Variants in WWC2 observed in about 807,000 individuals in gnomAD.
WWC2 encodes protein WWC2.
In WWC2, 101 loss-of-function variants were observed where a neutral mutation model predicts 138.5. The ratio of observed to expected loss-of-function variants is 0.73; its 90% CI spans 0.62 to 0.86. The LOEUF is 0.86. Among genes scored for constraint, WWC2 ranks in the 40% least tolerant of loss-of-function variants. The pLI, the probability that WWC2 is intolerant of heterozygous loss-of-function variation, is 0.00. For missense variants in WWC2, 1,420 were observed against 1,419.4 expected (o/e 1.00, Z -0.01); for synonymous variants, 558 against 538.4 (o/e 1.04, Z -0.50).
intron 21 of WWC2, among the ~76,000 whole-genome samples, chr4:183,303,991 A>G (rs1738946883): frequency 6.6e-6 from 1 of 152,128 alleles, no homozygotes; most frequent in African/African-American, 2.4e-5. Flanking sequence ...AGGGTTTGTT[A>G]GATAATTAAG....
chr4:183,151,943 T>A (rs776313873), intron 1 of WWC2, among the ~76,000 whole-genome samples: 2 of 149,934 alleles, frequency 1.3e-5, no homozygotes, highest in African/African-American at 4.9e-5. Context: ...CTAAACAATT[T>A]AAAAAATTAC....
chr4:183,313,388 G>C (rs904119464), intron 22 of WWC2, among the ~76,000 whole-genome samples: 1 of 152,074 alleles, frequency 6.6e-6, no homozygotes, highest in African/African-American at 2.4e-5. Flanking sequence ...GGGGAGAAGC[G>C]GGTAAGGGTG....
At chr4:183,286,831 C>T (rs1006794359) in intron 20 of WWC2, among the ~76,000 whole-genome samples, 3 of 152,134 alleles carry the variant, frequency 2.0e-5, no homozygotes, top group East Asian at 1.9e-4. Context: ...ACAACTGTGC[C>T]GGGTATGACA....
chr4:183,269,239 TTTTGC>T, intron 15 of WWC2, 76 bp downstream of exon 15: 1 of 1,445,570 alleles, frequency 6.9e-7, no homozygotes, highest in Non-Finnish European at 9.4e-7. Flanking sequence ...GTAGTTGCTA[TTTTGC>T]CAGCCCTAGA....
At chr4:183,192,824 A>G (rs190090056) in intron 1 of WWC2, among the ~76,000 whole-genome samples, 29 of 152,310 alleles carry the variant, frequency 1.9e-4, no homozygotes, top group African/African-American at 6.3e-4. Context: ...TAGCCAAGGA[A>G]AATCTCAAAA....
At chr4:183,169,058 G>C (rs559836480) in intron 1 of WWC2, among the ~76,000 whole-genome samples, 1 of 152,050 alleles carries the variant, frequency 6.6e-6, no homozygotes, top group South Asian at 2.1e-4. Context: ...ATGTTGGTCA[G>C]GCTGGTCTTG....
chr4:183,129,289 AT>A (rs1442135953), intron 1 of WWC2, among the ~76,000 whole-genome samples: 1 of 152,146 alleles, frequency 6.6e-6, no homozygotes, highest in Non-Finnish European at 1.5e-5. Context: ...GGGGAGGGGT[AT>A]CTCTTATGAC....
intron 1 of WWC2, among the ~76,000 whole-genome samples, chr4:183,149,977 C>G (rs1170799880): frequency 6.6e-6 from 1 of 152,114 alleles, no homozygotes; most frequent in Non-Finnish European, 1.5e-5. Context: ...ACCCAGGAGG[C>G]TTCTGGGTTG....
At chr4:183,116,235 T>C (rs748323745) in intron 1 of WWC2, among the ~76,000 whole-genome samples, 3 of 152,216 alleles carry the variant, frequency 2.0e-5, no homozygotes, top group Admixed American at 6.5e-5. Context: ...ACATATCTTA[T>C]ACTTTTCACC....
At chr4:183,216,984 A>AC (rs1240340882) in intron 4 of WWC2, among the ~76,000 whole-genome samples, 1 of 152,222 alleles carries the variant, frequency 6.6e-6, no homozygotes, top group African/African-American at 2.4e-5. Flanking sequence ...CAGCATAGAG[A>AC]CATAGAACCT....
At chr4:183,251,828 T>C (rs571444962) in intron 8 of WWC2, among the ~76,000 whole-genome samples, 1 of 152,108 alleles carries the variant, frequency 6.6e-6, no homozygotes, top group South Asian at 2.1e-4. Context: ...CCTCCTCAAT[T>C]CTGATTAAGT....
chr4:183,282,999 C>A, intron 18 of WWC2, 93 bp downstream of exon 18: 1 of 1,316,852 alleles, frequency 7.6e-7, no homozygotes, highest in Non-Finnish European at 1.0e-6. Context: ...GTGTAAATTC[C>A]ATGTCAGGAT....
intron 1 of WWC2, among the ~76,000 whole-genome samples, chr4:183,116,797 T>C (rs1732426622): frequency 1.3e-5 from 2 of 152,234 alleles, no homozygotes; most frequent in South Asian, 4.1e-4. Context: ...TTTATTATTT[T>C]CTCAAATTAG....
At chr4:183,247,185 C>T (rs776389966) in intron 6 of WWC2, among the ~76,000 whole-genome samples, 5 of 152,094 alleles carry the variant, frequency 3.3e-5, no homozygotes, top group South Asian at 2.1e-4. Context: ...TGTGCATGCA[C>T]GCGCACACAC....
intron 2 of WWC2, among the ~76,000 whole-genome samples, chr4:183,194,570 A>T (rs1225090048): frequency 6.6e-6 from 1 of 152,094 alleles, no homozygotes; most frequent in Non-Finnish European, 1.5e-5. Flanking sequence ...TATATGTAGT[A>T]CTCTGTAGTA....
intron 4 of WWC2, among the ~76,000 whole-genome samples, chr4:183,216,623 A>C (rs188459037): frequency 1.3e-5 from 2 of 152,286 alleles, no homozygotes; most frequent in African/African-American, 4.8e-5. Context: ...TCTTAACTGA[A>C]AGGAAACAGA....
In WWC2 at chr4:183,245,700, A is replaced by G. The variant is rs548767565; in HGVS notation, c.732+155A>G. On this transcript the variant is annotated intron_variant, in intron 6 of 22. Transcript: ENST00000403733. ...GCCCTGTGGAGATTGTTGCAGGCAC[A>G]AAGGTAGCCTGCTGCCTTGGAGGAG... 8.5e-5 allele frequency among the ~76,000 whole-genome samples: 13 copies of G among 152,312 alleles called. No homozygotes were observed. In the South Asian group the frequency reaches 2.7e-3, roughly 32 times the overall value.
intron 1 of WWC2, among the ~76,000 whole-genome samples, chr4:183,103,664 A>T (rs1326450711): frequency 1.1e-4 from 13 of 123,222 alleles, no homozygotes; most frequent in Non-Finnish European, 2.0e-4. Context: ...TTTGAGACGG[A>T]GTCTTGCTGT....
intron 1 of WWC2, among the ~76,000 whole-genome samples, chr4:183,155,836 G>A (rs953166160): frequency 6.6e-5 from 10 of 152,100 alleles, no homozygotes; most frequent in African/African-American, 2.4e-4. Context: ...AGAAGAAATA[G>A]TAGTACCTTT....
Sources: allele counts gnomAD v4.1 joint callset (sites outside exome capture counted in the v4.1 genomes callset), GRCh38; gene constraint gnomAD v4.1.1; transcripts MANE v1.5; gene names NCBI Gene and HGNC (gene_info 2026-07-23, HGNC 2026-07-21).